The following ADGRL2 variants were observed in gnomAD, a reference collection of about 807,000 sequenced individuals.
The protein encoded by ADGRL2 is calcium-independent alpha-latrotoxin receptor 2.
Under a neutral mutation model 157.4 loss-of-function variants are expected in ADGRL2, and 44 were observed. The ratio of observed to expected loss-of-function variants is 0.28; its 90% CI spans 0.22 to 0.36. ADGRL2 has a LOEUF of 0.36. Among genes scored for constraint, ADGRL2 ranks in the 10% least tolerant of loss-of-function variants. The pLI, the probability that ADGRL2 is intolerant of heterozygous loss-of-function variation, is 1.00. For missense variants in ADGRL2, 1,510 were observed against 1,768.9 expected (o/e 0.85, Z 2.63); for synonymous variants, 585 against 624.7 (o/e 0.94, Z 0.95).
At chr1:81,925,656 GT>G (rs935010116) in intron 3 of ADGRL2, among the ~76,000 whole-genome samples, 1 of 151,090 alleles carries the variant, frequency 6.6e-6, no homozygotes, top group Non-Finnish European at 1.5e-5. Context: ...ACAAAGATGC[GT>G]TTTTTAAAGC....
intron 1 of ADGRL2, among the ~76,000 whole-genome samples, chr1:81,326,047 G>A (rs1335880461): frequency 1.3e-5 from 2 of 152,054 alleles, no homozygotes; most frequent in Non-Finnish European, 2.9e-5. Flanking sequence ...TCTTTAGTGT[G>A]GACTATATAA....
intron 1 of ADGRL2, chr1:81,722,370 TA>T: frequency 1.3e-6 from 1 of 753,992 alleles, no homozygotes; most frequent in Non-Finnish European, 2.4e-6. Flanking sequence ...ATTGAAGCCC[TA>T]AATGATGGTG....
intron 1 of ADGRL2, among the ~76,000 whole-genome samples, chr1:81,710,628 A>T (rs544081711): frequency 0.44 from 56,129 of 127,954 alleles, 10,934 homozygotes; most frequent in Admixed American, 0.52. Flanking sequence ...CAAAAAATTA[A>T]AAAAAAAAAA....
At position 81,966,152 on chromosome 1, in the gene ADGRL2, C is replaced by G. The variant is rs139486341; in HGVS notation, c.2112C>G (p.Ser704=). 8.1e-6 allele frequency: 13 copies of G among 1,613,830 alleles called. No homozygotes were observed. The African/African-American group carries it at 1.2e-4, about 15-fold the overall frequency. The stretch of plus-strand genomic sequence containing the variant: ...GAGCAGGCAGCTCAATCCAACTGTC[C>G]GCAAATACCGTCAAACAGAACAGCA... ...IKGAGSSIQL[S]ANTVKQNSRN... The change falls in exon 12 of 24, where the codon TCC becomes TCG. Residue 704 remains serine, a synonymous_variant. Coordinates refer to ENST00000686636, the MANE Select transcript of ADGRL2 (RefSeq NM_001366006.2).
chr1:81,517,211 G>A (rs752256630), intron 2 of ADGRL2, among the ~76,000 whole-genome samples: 1 of 151,902 alleles, frequency 6.6e-6, no homozygotes, highest in Non-Finnish European at 1.5e-5. Flanking sequence ...GGTGGCTCAC[G>A]CCTGTAATCC....
chr1:81,913,719 A>T (rs1572090042), intron 3 of ADGRL2, among the ~76,000 whole-genome samples: 1 of 152,140 alleles, frequency 6.6e-6, no homozygotes, highest in African/African-American at 2.4e-5. Context: ...CTTTTAAAAA[A>T]ATCTCCTTGA....
chr1:81,874,378 A>C (rs1286626499), intron 2 of ADGRL2, among the ~76,000 whole-genome samples: 1 of 152,176 alleles, frequency 6.6e-6, no homozygotes, highest in African/African-American at 2.4e-5. Flanking sequence ...AAATTTATCA[A>C]AAGTAACAGT....
In ADGRL2 at chr1:81,625,902, C is replaced by T. The variant is rs574831280; in HGVS notation, c.-143+44922C>T. On this transcript the variant is annotated intron_variant, in intron 3 of 24. Transcript: ENST00000370721. ...TACTTGGCACAAGTTGAATTGTGGA[C>T]TATATAGAGTTAAAAGTTCCTTATT... Among the ~76,000 whole-genome samples, 7 of 152,192 alleles carry T rather than the reference C, an allele frequency of 4.6e-5. No individual in the cohort carries two copies. The East Asian group carries it at 1.4e-3, about 29-fold the overall frequency.
intron 3 of ADGRL2, among the ~76,000 whole-genome samples, chr1:81,671,075 G>A (rs888909576): frequency 2.6e-5 from 4 of 152,170 alleles, no homozygotes; most frequent in African/African-American, 9.7e-5. Context: ...GAGTGCAAAC[G>A]GAGGCCCCAG....
At chr1:81,576,450 A>G (rs1453086146) in intron 2 of ADGRL2, among the ~76,000 whole-genome samples, 3 of 152,192 alleles carry the variant, frequency 2.0e-5, no homozygotes, top group East Asian at 1.9e-4. Flanking sequence ...CAGTTAAATG[A>G]AACATATAAT....
At chr1:81,514,483 T>G (rs185496762) in intron 2 of ADGRL2, 1 of 152,202 alleles carries the variant, frequency 6.6e-6, no homozygotes, top group Non-Finnish European at 1.5e-5. Flanking sequence ...AAAATGGCTA[T>G]CCCATTTCTA....
intron 2 of ADGRL2, among the ~76,000 whole-genome samples, chr1:81,558,720 G>T (rs11163332): frequency 0.22 from 33,081 of 151,944 alleles, 6,198 homozygotes; most frequent in African/African-American, 0.5. Flanking sequence ...CTGGTACCTG[G>T]TTAACTTTCA....
chr1:81,989,543 C>A, intron 23 of ADGRL2: 1 of 694,772 alleles, frequency 1.4e-6, no homozygotes. Context: ...AAATAAAAGG[C>A]TGCTATTGCT....
intron 5 of ADGRL2, 43 bp downstream of exon 5, chr1:81,942,088 C>A: frequency 1.4e-6 from 1 of 732,916 alleles, no homozygotes; most frequent in East Asian, 2.5e-5. Context: ...TGTTATGTGC[C>A]TTATGGATGT....
intron 1 of ADGRL2, among the ~76,000 whole-genome samples, chr1:81,834,784 C>G (rs2092178490): frequency 6.6e-6 from 1 of 152,032 alleles, no homozygotes; most frequent in Admixed American, 6.6e-5. Context: ...CATTCTAGAA[C>G]CTGTTTCCAT....
intron 3 of ADGRL2, among the ~76,000 whole-genome samples, chr1:81,639,091 A>G (rs2082167773): frequency 6.6e-6 from 1 of 152,162 alleles, no homozygotes; most frequent in Admixed American, 6.5e-5. Flanking sequence ...GTTGTTTGAG[A>G]CGGAGTCTCA....
rs554394263 is a variant in ADGRL2 at position 81,705,087 on chromosome 1, C to G, written c.-143+5279C>G. Among the ~76,000 whole-genome samples the G allele has an allele frequency of 2.0e-5, 3 of 152,280 alleles. No individual in the cohort carries two copies. In the South Asian group the frequency reaches 6.2e-4, roughly 32 times the overall value. Reference sequence around the variant, plus strand: ...TTATTTATTGAGACAGAGTCCCGCTCTGTCGCCCAGGCTGGAATGCAGTGG... The same window carrying G: ...TTATTTATTGAGACAGAGTCCCGCTGTGTCGCCCAGGCTGGAATGCAGTGG... On this transcript the variant is annotated intron_variant, in intron 1 of 20. Transcript: ENST00000359929.
At chr1:81,770,377 G>T (rs12128594) in intron 2 of ADGRL2, among the ~76,000 whole-genome samples, 44,481 of 151,532 alleles carry the variant, frequency 0.29, 7,391 homozygotes, top group East Asian at 0.77. Context: ...TGGCCAGGAT[G>T]GTCTTGAACT....
intron 1 of ADGRL2, among the ~76,000 whole-genome samples, chr1:81,366,380 A>G (rs1256160161): frequency 6.6e-6 from 1 of 152,194 alleles, no homozygotes; most frequent in Non-Finnish European, 1.5e-5. Flanking sequence ...CAGTGCACAA[A>G]TATTTATAGC....
Sources: allele counts gnomAD v4.1 joint callset (sites outside exome capture counted in the v4.1 genomes callset), GRCh38; gene constraint gnomAD v4.1.1; transcripts MANE v1.5; gene names NCBI Gene and HGNC (gene_info 2026-07-23, HGNC 2026-07-21).